RUNX1: variants seen among roughly 807,000 people sequenced by gnomAD.
RUNX1 encodes the protein runt-related transcription factor 1.
Under a neutral mutation model 42.8 loss-of-function variants are expected in RUNX1, and 19 were observed. The observed-to-expected ratio is 0.44, with a 90% CI of 0.31 to 0.65. The LOEUF (loss-of-function observed/expected upper bound fraction) is 0.65. Among genes scored for constraint, RUNX1 ranks in the 30% least tolerant of loss-of-function variants. RUNX1 has a pLI of 0.07. For missense variants in RUNX1, 528 were observed against 672.0 expected (o/e 0.79, Z 2.37); for synonymous variants, 271 against 289.4 (o/e 0.94, Z 0.64).
chr21:34,860,371 C>G (rs1164835023), intron 5 of RUNX1, among the ~76,000 whole-genome samples: 1 of 152,196 alleles, frequency 6.6e-6, no homozygotes, highest in African/African-American at 2.4e-5. Context: ...TTTGGCAAGT[C>G]ACTAGACACC....
chr21:34,968,106 T>G (rs1220683370), intron 2 of RUNX1, among the ~76,000 whole-genome samples: 2 of 152,192 alleles, frequency 1.3e-5, no homozygotes, highest in Admixed American at 1.3e-4. Context: ...GGAGGCAGGT[T>G]GCAGAGTTGT....
intron 8 of RUNX1, among the ~76,000 whole-genome samples, chr21:34,793,032 C>T (rs1356795433): frequency 6.6e-6 from 1 of 151,404 alleles, no homozygotes; most frequent in Non-Finnish European, 1.5e-5. Flanking sequence ...CGGGGGACAC[C>T]CAGGATGCTA....
Position 34,908,793 on chromosome 21 carries a change from A to G in RUNX1, c.59-15830T>C, listed in dbSNP as rs538897487. ...CATCCTTCTCCAAACACCCTTTGTC[A>G]AAGTCAGCCTTTGAACTTCTTTTGC... On this transcript the variant is annotated intron_variant, in intron 2 of 8. Transcript: ENST00000675419. Among the ~76,000 whole-genome samples, 24 of 152,312 alleles carry G rather than the reference A, an allele frequency of 1.6e-4. 1 individual carries two copies. In the South Asian group the frequency reaches 4.6e-3, roughly 29 times the overall value.
At chr21:34,817,172 T>C (rs376785773) in intron 7 of RUNX1, among the ~76,000 whole-genome samples, 8 of 152,178 alleles carry the variant, frequency 5.3e-5, no homozygotes, top group African/African-American at 1.7e-4. Flanking sequence ...CAAGGTCACA[T>C]AGAGGGGATT....
chr21:34,833,868 A>C (rs2057100658), intron 7 of RUNX1: 2 of 239,900 alleles, frequency 8.3e-6, no homozygotes, highest in African/African-American at 2.2e-5. Context: ...GGGGACCTGC[A>C]TTCTCTATTG....
In RUNX1 at chr21:34,886,723, C is replaced by G. The variant is rs905722207; in HGVS notation, c.351+120G>C. The G allele has an allele frequency of 6.7e-6, 10 of 1,499,126 alleles. No individual in the cohort carries two copies. In the Admixed American group the frequency reaches 1.2e-4, roughly 17 times the overall value. 92.9% of individuals were successfully genotyped at this position (1,499,126 alleles called of 1,614,324 possible). A position where few individuals can be genotyped will look rare whatever the true frequency, so the allele number is the denominator to read the frequency against. On this transcript the variant is annotated intron_variant, in intron 4 of 8. Transcript: ENST00000675419. ...ACATCCCAAGCTAGGAAGACCGACC[C>G]GGGGCTGCGGGGGCCCCTTTCCAGA...
At chr21:34,902,076 G>A (rs7279817) in intron 2 of RUNX1, among the ~76,000 whole-genome samples, 37,199 of 152,140 alleles carry the variant, frequency 0.24, 5,011 homozygotes, top group African/African-American at 0.35. Context: ...TGTATGAATT[G>A]AAAGCAGGGG....
intron 6 of RUNX1, among the ~76,000 whole-genome samples, chr21:34,851,472 AG>A (rs1312297631): frequency 6.6e-5 from 10 of 152,264 alleles, no homozygotes; most frequent in African/African-American, 1.9e-4. Context: ...TAATTGCTCA[AG>A]TTCACACCCA....
chr21:34,929,908 T>C (rs1230342404), intron 2 of RUNX1, among the ~76,000 whole-genome samples: 8 of 151,976 alleles, frequency 5.3e-5, no homozygotes, highest in Non-Finnish European at 1.0e-4. Flanking sequence ...TTCTGAAACT[T>C]TCCTAGTATT....
At chr21:34,974,587 T>C (rs748057159) in intron 2 of RUNX1, among the ~76,000 whole-genome samples, 4 of 152,096 alleles carry the variant, frequency 2.6e-5, no homozygotes, top group African/African-American at 9.7e-5. Context: ...GGGCACAAAA[T>C]GAATAAAATG....
At chr21:34,871,959 TCAGCCTTCAGAG>T (rs2057744446) in intron 5 of RUNX1, among the ~76,000 whole-genome samples, 1 of 152,006 alleles carries the variant, frequency 6.6e-6, no homozygotes, top group Non-Finnish European at 1.5e-5. Flanking sequence ...TTTTCCTGCC[TCAGCCTTCAGAG>T]CAGCTGGGAT....
intron 2 of RUNX1, among the ~76,000 whole-genome samples, chr21:34,995,689 C>T (rs918701992): frequency 2.6e-5 from 4 of 152,164 alleles, no homozygotes; most frequent in African/African-American, 9.7e-5. Flanking sequence ...CATTCACCCG[C>T]CTTGGCCTCC....
At chr21:35,038,969 G>T in intron 2 of RUNX1, 1 of 339,044 alleles carries the variant, frequency 2.9e-6, no homozygotes, top group South Asian at 2.2e-5. Context: ...CACATGGTGG[G>T]TGCTTAACCA....
intron 4 of RUNX1, among the ~76,000 whole-genome samples, chr21:34,882,280 A>G (rs1175438048): frequency 2.6e-5 from 4 of 152,124 alleles, no homozygotes; most frequent in Non-Finnish European, 5.9e-5. Flanking sequence ...ATGACTATCT[A>G]TTGTTTTTAT....
chr21:34,943,369 A>G lies in RUNX1; in HGVS notation c.59-50406T>C, dbSNP rs1470239466. Among the ~76,000 whole-genome samples, 13 of 152,276 alleles carry G rather than the reference A, an allele frequency of 8.5e-5. No individual in the cohort carries two copies. The South Asian group carries it at 2.7e-3, about 32-fold the overall frequency. On this transcript the variant is annotated intron_variant, in intron 2 of 8. Coordinates refer to ENST00000675419, the MANE Select transcript of RUNX1 (RefSeq NM_001754.5). ...GGCTCCAACATGAACCACACAATGGACCTTAGGCCCATTCCAGCACACAAT... is the reference window on the plus strand; with the variant it reads ...GGCTCCAACATGAACCACACAATGGGCCTTAGGCCCATTCCAGCACACAAT...
rs897844622 is a variant in RUNX1, at chr21:34,932,221, G to A, written c.59-39258C>T. ...GTAGAGTGCTTATTACAGTATAGAT[G>A]TTATAAACATGTTTATTGAGTAATA... On this transcript the variant is annotated intron_variant, in intron 2 of 8. Coordinates refer to ENST00000675419, the MANE Select transcript of RUNX1 (RefSeq NM_001754.5). Among the ~76,000 whole-genome samples the A allele has an allele frequency of 2.6e-5, 4 of 152,126 alleles. No individual in the cohort carries two copies. The East Asian group carries it at 5.8e-4, about 22-fold the overall frequency.
At chr21:34,865,692 C>G (rs565552809) in intron 5 of RUNX1, among the ~76,000 whole-genome samples, 17 of 152,146 alleles carry the variant, frequency 1.1e-4, no homozygotes, top group Admixed American at 3.3e-4. Flanking sequence ...ACTCTGACAG[C>G]CAATTGTGGT....
At chr21:35,010,604 C>G (rs1466046079) in intron 2 of RUNX1, among the ~76,000 whole-genome samples, 4 of 150,968 alleles carry the variant, frequency 2.6e-5, no homozygotes, top group African/African-American at 4.9e-5. Context: ...GTCAGTCACA[C>G]TACCGTGAGT....
intron 2 of RUNX1, among the ~76,000 whole-genome samples, chr21:34,939,301 G>A (rs1463788976): frequency 6.6e-6 from 1 of 152,218 alleles, no homozygotes; most frequent in Non-Finnish European, 1.5e-5. Context: ...AGCATCAGAT[G>A]AACAAATATT....
Sources: allele counts gnomAD v4.1 joint callset (sites outside exome capture counted in the v4.1 genomes callset), GRCh38; gene constraint gnomAD v4.1.1; transcripts MANE v1.5; gene names NCBI Gene and HGNC (gene_info 2026-07-23, HGNC 2026-07-21).